Variants in BACC1 observed in about 807,000 individuals in gnomAD.
BACC1 encodes the protein BPTF-associated chromatin complex component 1.
At chr17:7,016,332 CTGAG>C in the BACC1 span, 1 of 692,762 alleles carries the variant, frequency 1.4e-6, no homozygotes, top group East Asian at 2.5e-5. Context: ...TCCATCCATC[CTGAG>C]TGAGTGTAAA....
the BACC1 span, chr17:7,015,608 C>G: frequency 7.3e-7 from 1 of 1,361,626 alleles, no homozygotes; most frequent in Non-Finnish European, 9.7e-7. Flanking sequence ...CCCGCAGGGC[C>G]TCAAGAGCTT....
At chr17:7,016,431 C>T in the BACC1 span, 1 of 1,553,764 alleles carries the variant, frequency 6.4e-7, no homozygotes, top group Non-Finnish European at 8.8e-7. Context: ...CCTTCCCCTC[C>T]CGTCCCCTCT....
chr17:7,015,075 T>C, the BACC1 span: 1 of 1,559,576 alleles, frequency 6.4e-7, no homozygotes. Context: ...GGAGAGATCT[T>C]CTCGGCGGCC....
At chr17:7,015,734 C>T in the BACC1 span, 1 of 1,574,648 alleles carries the variant, frequency 6.4e-7, no homozygotes, top group Non-Finnish European at 8.7e-7. Context: ...TCCACACCCC[C>T]CCTCCCATTT....
chr17:7,016,809 G>A, the BACC1 span: 4 of 1,527,032 alleles, frequency 2.6e-6, no homozygotes, highest in Non-Finnish European at 3.6e-6. Context: ...CCCAGAGAGG[G>A]GCAGAGGGGA....
the BACC1 span, chr17:7,015,338 G>A: frequency 2.2e-5 from 30 of 1,374,636 alleles, no homozygotes; most frequent in Non-Finnish European, 2.8e-5. Flanking sequence ...AATACAGACA[G>A]GCCCATAGCC....
At chr17:7,014,783 G>A in the BACC1 span, 5 of 1,515,468 alleles carry the variant, frequency 3.3e-6, no homozygotes, top group East Asian at 2.7e-5. This position sits in a 1 kb window ranked among gnomAD's most constrained non-coding sequence, Gnocchi z 4.5. Context: ...GAGCCGCTCA[G>A]TCTCCCTGCT....
the BACC1 span, chr17:7,015,452 C>CT: frequency 7.3e-7 from 1 of 1,365,950 alleles, no homozygotes; most frequent in Non-Finnish European, 9.4e-7. Flanking sequence ...CGGCTGCAGG[C>CT]TGTGTTGGTG....
the BACC1 span, chr17:7,016,918 C>G: frequency 6.2e-7 from 1 of 1,613,550 alleles, no homozygotes; most frequent in African/African-American, 1.3e-5. Flanking sequence ...AGATGTGACA[C>G]TCAGTGCTCT....
At chr17:7,017,306 T>C in the BACC1 span, 1 of 1,612,974 alleles carries the variant, frequency 6.2e-7, no homozygotes, top group Non-Finnish European at 8.5e-7. Flanking sequence ...CTGATCCTCC[T>C]CTCCTCTCCT....
chr17:7,015,463 G>A, the BACC1 span: 1 of 1,374,120 alleles, frequency 7.3e-7, no homozygotes, highest in Admixed American at 3.4e-5. Context: ...TGTGTTGGTG[G>A]GTCTGTTTTG....
At chr17:7,017,148 C>A in the BACC1 span, 1 of 1,555,434 alleles carries the variant, frequency 6.4e-7, no homozygotes, top group Admixed American at 1.7e-5. Context: ...TCATACACAG[C>A]GCAGGGCATT....
the BACC1 span, chr17:7,015,034 G>A: frequency 6.8e-7 from 1 of 1,465,088 alleles, no homozygotes. Context: ...GCGGGCGCCG[G>A]CCCCCCGTGA....
At chr17:7,017,019 G>A in the BACC1 span, 1 of 1,606,030 alleles carries the variant, frequency 6.2e-7, no homozygotes, top group Admixed American at 1.7e-5. Flanking sequence ...ACCAGGGTAG[G>A]AGTCCTCCTC....
chr17:7,017,388 C>A, the BACC1 span: 27 of 1,474,152 alleles, frequency 1.8e-5, no homozygotes, highest in Non-Finnish European at 1.5e-5. Context: ...CCGAGCAAGG[C>A]CTGCACGAGA....
the BACC1 span, chr17:7,014,816 T>TAGCGGC: frequency 1.6e-5 from 25 of 1,524,718 alleles, no homozygotes; most frequent in African/African-American, 2.9e-4. This position sits in a 1 kb window ranked among gnomAD's most constrained non-coding sequence, Gnocchi z 4.5. Context: ...GGCTCGCGTG[T>TAGCGGC]AGCGGCGGCG....
chr17:7,015,954 C>T, the BACC1 span: 1 of 1,211,986 alleles, frequency 8.3e-7, no homozygotes, highest in Non-Finnish European at 1.2e-6. Context: ...GTCCTCAGAA[C>T]TCCTTTCCAG....
At chr17:7,014,971 G>A in the BACC1 span, 1 of 1,437,416 alleles carries the variant, frequency 7.0e-7, no homozygotes, top group Non-Finnish European at 9.1e-7. The surrounding 1 kb of genome is among the most constrained non-coding windows in gnomAD (Gnocchi z 4.5). Context: ...GGCGGGGGGC[G>A]GGCGGGAGCC....
chr17:7,016,979 A>C, the BACC1 span: 1 of 1,613,900 alleles, frequency 6.2e-7, no homozygotes, highest in South Asian at 1.1e-5. Context: ...GGGCTAGGAG[A>C]AACTCCTCCA....
Sources: gnomAD v4.1 joint callset for allele counts on GRCh38, gnomAD v4.1.1 for gene constraint, Gnocchi (gnomAD v3.1) non-coding constraint, MANE v1.5 for transcripts, NCBI Gene and HGNC (gene_info 2026-07-23, HGNC 2026-07-21) for gene names.